The following LPP variants were observed in gnomAD, a reference collection of about 807,000 sequenced individuals.
LPP encodes the protein LIM domain containing preferred translocation partner in lipoma.
LPP carries 38 observed loss-of-function variants against 60.4 expected under a neutral mutation model. The ratio of observed to expected loss-of-function variants is 0.63; its 90% CI spans 0.49 to 0.83. The LOEUF is 0.83. Among genes scored for constraint, LPP ranks in the 40% least tolerant of loss-of-function variants. The pLI is 0.00. For missense variants in LPP, 902 were observed against 783.6 expected, an observed-to-expected ratio of 1.15 and a Z score of -1.80; for synonymous variants, 328 against 290.8, an observed-to-expected ratio of 1.13 and a Z score of -1.30.
chr3:188,495,504 C>T (rs928893106), intron 5 of LPP, among the ~76,000 whole-genome samples: 18 of 152,006 alleles, frequency 1.2e-4, no homozygotes, highest in African/African-American at 3.1e-4. Context: ...AAAATCATTT[C>T]GGTGACTTTT....
At chr3:188,834,519 C>T (rs1318419449) in intron 9 of LPP, among the ~76,000 whole-genome samples, 1 of 151,828 alleles carries the variant, frequency 6.6e-6, no homozygotes, top group Non-Finnish European at 1.5e-5. Flanking sequence ...AAGTTGCCTG[C>T]TTTCTCATCT....
chr3:188,608,716 G>T (rs1267239718), intron 6 of LPP, among the ~76,000 whole-genome samples: 5 of 152,116 alleles, frequency 3.3e-5, no homozygotes, highest in Admixed American at 1.3e-4. Context: ...CTTCATTTTG[G>T]TATTTAGATA....
intron 7 of LPP, among the ~76,000 whole-genome samples, chr3:188,669,110 A>G (rs1856413363): frequency 6.6e-6 from 1 of 152,158 alleles, no homozygotes; most frequent in African/African-American, 2.4e-5. Flanking sequence ...TTGAGAAGGG[A>G]AGTGAGTGGG....
chr3:188,870,788 C>T (rs1411549209), intron 10 of LPP, among the ~76,000 whole-genome samples: 2 of 152,208 alleles, frequency 1.3e-5, no homozygotes, highest in African/African-American at 2.4e-5. Context: ...AGAACCACCT[C>T]CTGCCTCTTC....
At chr3:188,700,484 C>A (rs1864184154) in intron 7 of LPP, among the ~76,000 whole-genome samples, 1 of 152,150 alleles carries the variant, frequency 6.6e-6, no homozygotes, top group African/African-American at 2.4e-5. Flanking sequence ...TCCTGGGAGC[C>A]ATTTGCACCT....
intron 2 of LPP, among the ~76,000 whole-genome samples, chr3:188,237,933 C>G (rs1722501366): frequency 6.6e-6 from 1 of 152,232 alleles, no homozygotes; most frequent in Non-Finnish European, 1.5e-5. Flanking sequence ...TTTCTTTTCT[C>G]TACTTCTGAA....
At position 188,359,946 on chromosome 3, in the gene LPP, C is replaced by G. The variant is rs200693162; in HGVS notation, c.-10+18227C>G. On this transcript the variant is annotated intron_variant, in intron 3 of 11. Coordinates refer to ENST00000617246, the MANE Select transcript of LPP (RefSeq NM_001375462.1). ...GCCCACAGGTTTATATTGCACTGCTCTGCCCACATTCCAGCCTTCTCCACT... is the reference window on the plus strand; with the variant it reads ...GCCCACAGGTTTATATTGCACTGCTGTGCCCACATTCCAGCCTTCTCCACT... Among the ~76,000 whole-genome samples, 19 of 152,312 alleles carry G rather than the reference C, an allele frequency of 1.2e-4. No individual in the cohort carries two copies. In the East Asian group the frequency reaches 3.7e-3, roughly 29 times the overall value.
chr3:188,665,840 TCA>T (rs1237742477), intron 7 of LPP, among the ~76,000 whole-genome samples: 1 of 152,236 alleles, frequency 6.6e-6, no homozygotes, highest in Non-Finnish European at 1.5e-5. Context: ...CTTTGTAACA[TCA>T]GTCAGTTTTG....
chr3:188,450,281 C>T (rs1796278704), intron 4 of LPP, among the ~76,000 whole-genome samples: 1 of 152,092 alleles, frequency 6.6e-6, no homozygotes, highest in African/African-American at 2.4e-5. Flanking sequence ...TATATTTAAT[C>T]ACATACATGA....
At chr3:188,201,236 C>T (rs183414813) in intron 1 of LPP, among the ~76,000 whole-genome samples, 1 of 152,288 alleles carries the variant, frequency 6.6e-6, no homozygotes, top group East Asian at 1.9e-4. Flanking sequence ...GAGAATAAAT[C>T]AGGCACACAG....
chr3:188,254,082 T>C (rs999750624), intron 2 of LPP, among the ~76,000 whole-genome samples: 4 of 152,234 alleles, frequency 2.6e-5, no homozygotes, highest in African/African-American at 9.6e-5. Context: ...TCTGTGCACA[T>C]GGTTTTCACT....
chr3:188,721,862 G>C lies in LPP; in HGVS notation c.1240+13469G>C, dbSNP rs1046450574. Among the ~76,000 whole-genome samples, 2 of 152,156 alleles carry C rather than the reference G, an allele frequency of 1.3e-5. 1 individual carries two copies. Among genetic ancestry groups the C allele is most frequent in the East Asian group, 3.9e-4 (2 of 5,164 alleles). ...CTGACTCACTGTGACATCTTAGGCC[G>C]GTTTCTCTTCCATAGGTCTCATCTC... is the stretch of plus-strand genomic sequence containing the variant. On this transcript the variant is annotated intron_variant, in intron 8 of 11. Transcript: ENST00000617246.
intron 2 of LPP, among the ~76,000 whole-genome samples, chr3:188,304,264 G>T (rs1750822742): frequency 6.6e-6 from 1 of 152,156 alleles, no homozygotes; most frequent in African/African-American, 2.4e-5. Context: ...AGAGTGTAGT[G>T]TAATGCCCAG....
Position 188,877,870 on chromosome 3 carries a change from T to C in LPP, c.*3391T>C, listed in dbSNP as rs1439732740. ...TCTTTTTCTTGTCATTAACACATTG[T>C]TATTTCTGTAGGAGCAACTTCTCTG... On this transcript the variant is annotated 3_prime_UTR_variant, in exon 12 of 12. Transcript: ENST00000617246. The C allele has an allele frequency of 4.6e-6, 1 of 215,812 alleles. No individual in the cohort carries two copies. Among genetic ancestry groups the C allele is most frequent in the Non-Finnish European group, 9.3e-6 (1 of 107,104 alleles). The allele number at this position is 215,812 out of a possible 1,614,324, so 13.4% of individuals were successfully genotyped here.
intron 8 of LPP, among the ~76,000 whole-genome samples, chr3:188,723,971 AT>A (rs1225114350): frequency 1.3e-5 from 2 of 152,098 alleles, no homozygotes; most frequent in Admixed American, 6.6e-5. Context: ...GAGCTGGATG[AT>A]TTTTTTAAAT....
At chr3:188,523,629 G>A (rs1216526678) in intron 5 of LPP, among the ~76,000 whole-genome samples, 1 of 152,124 alleles carries the variant, frequency 6.6e-6, no homozygotes, top group Non-Finnish European at 1.5e-5. Context: ...TAGTTTCTTG[G>A]TTGGTTAATG....
intron 9 of LPP, among the ~76,000 whole-genome samples, chr3:188,805,207 C>T (rs1748714635): frequency 6.6e-6 from 1 of 151,972 alleles, no homozygotes; most frequent in South Asian, 2.1e-4. Flanking sequence ...GTGCTGGCCT[C>T]ATAAAAGGAA....
intron 2 of LPP, among the ~76,000 whole-genome samples, chr3:188,319,588 T>C (rs1340767501): frequency 6.6e-6 from 1 of 152,188 alleles, no homozygotes; most frequent in Non-Finnish European, 1.5e-5. Flanking sequence ...TCAGCTCTTT[T>C]TCTGATGGGG....
intron 1 of LPP, among the ~76,000 whole-genome samples, chr3:188,216,991 C>G (rs370004903): frequency 6.6e-6 from 1 of 152,356 alleles, no homozygotes; most frequent in East Asian, 1.9e-4. Context: ...GTGCCTTGCA[C>G]TGTTCTGGGC....
Sources: gnomAD v4.1 joint callset for allele counts (sites outside exome capture counted in the v4.1 genomes callset) on GRCh38, gnomAD v4.1.1 for gene constraint, MANE v1.5 for transcripts, NCBI Gene and HGNC (gene_info 2026-07-23, HGNC 2026-07-21) for gene names.